Variants in KIFC3 observed in about 807,000 individuals in gnomAD.
KIFC3 encodes kinesin family member C3, also known as kinesin-like protein KIFC3.
A neutral mutation model predicts 101.8 loss-of-function variants in KIFC3; 60 were observed. The ratio of observed to expected loss-of-function variants is 0.59; its 90% CI spans 0.48 to 0.73. The LOEUF (loss-of-function observed/expected upper bound fraction) is 0.73, where lower values mean the gene tolerates loss of function less well. Ranked by LOEUF, KIFC3 falls within the 30% of genes least tolerant of loss-of-function variation. The pLI is 0.00. For synonymous variants in KIFC3, 476 were observed against 482.7 expected (o/e 0.99, Z 0.18); for missense variants, 966 against 1,137.1 (o/e 0.85, Z 2.16).
chr16:57,853,418 CAAAATAAAAT>C (rs71385127), intron 1 of KIFC3, among the ~76,000 whole-genome samples: 15 of 146,104 alleles, frequency 1.0e-4, no homozygotes, highest in Admixed American at 6.2e-4. Context: ...GACTCCATCT[CAAAATAAAAT>C]AAAATAAAAT....
intron 1 of KIFC3, among the ~76,000 whole-genome samples, chr16:57,815,110 G>A (rs1441834056): frequency 1.3e-5 from 2 of 152,190 alleles, no homozygotes; most frequent in Non-Finnish European, 2.9e-5. Context: ...CATCTTTGGA[G>A]GCTGATGCTG....
At chr16:57,765,866 C>T in intron 10 of KIFC3, 1 of 471,716 alleles carries the variant, frequency 2.1e-6, no homozygotes, top group Non-Finnish European at 3.7e-6. Flanking sequence ...TGGGGTGGAG[C>T]TCTGCCTTGG....
chr16:57,816,806 G>A (rs561292395), intron 1 of KIFC3: 3 of 451,680 alleles, frequency 6.6e-6, no homozygotes, highest in African/African-American at 6.4e-5. Flanking sequence ...ACCAAGACCA[G>A]GGAACCCATC....
At position 57,761,525 on chromosome 16, in the gene KIFC3, C is replaced by G; in HGVS notation, c.1760G>C (p.Gly587Ala). 6.2e-7 allele frequency: 1 copy of G among 1,613,376 alleles called. No individual in the cohort carries two copies. The highest frequency in any genetic ancestry group is 1.1e-5 in the South Asian group (1 of 91,074). The change falls in exon 14 of 20, where the codon GGG (glycine) becomes GCG (alanine). Residue 587 changes from glycine (G) to alanine (A), a missense_variant. Physicochemically the swap from Gly to Ala is moderately conservative, Grantham distance 60. Transcript: ENST00000445690. ...CTCCAGTTTTTCCTGAGGCTCTTTCCCTAGCAGGTCCCTGGAGGGGCAGGT... is the reference window on the plus strand; with the variant it reads ...CTCCAGTTTTTCCTGAGGCTCTTTCGCTAGCAGGTCCCTGGAGGGGCAGGT... The part of the protein sequence containing the change: ...IYNEVLRDLL[G>A]KEPQEKLEIR...
At chr16:57,823,683 C>A (rs991152032) in intron 1 of KIFC3, among the ~76,000 whole-genome samples, 14 of 152,072 alleles carry the variant, frequency 9.2e-5, no homozygotes, top group African/African-American at 1.4e-4. Context: ...ACCTCCACCC[C>A]CCAGGTTCCA....
At position 57,771,192 on chromosome 16, in the gene KIFC3, G is replaced by T; in HGVS notation, c.765+6C>A. ...TGAGGCACAGATCAGGTGGGCCAGG[G>T]CTCACCTTGACAGGTGGGGACTGGG... is the stretch of plus-strand genomic sequence containing the variant. On this transcript the variant is annotated splice_donor_region_variant and intron_variant, in intron 6 of 19. Coordinates refer to ENST00000445690, the MANE Select transcript of KIFC3 (RefSeq NM_001130100.2). 1.2e-6 allele frequency: 2 copies of T among 1,611,820 alleles called. No homozygotes were observed. Among genetic ancestry groups the T allele is most frequent in the East Asian group, 4.5e-5 (2 of 44,876 alleles).
chr16:57,771,234 GGTCTCGTGGCT>G lies in KIFC3; in HGVS notation c.718_728del (p.Ser240HisfsTer101). The G allele has an allele frequency of 6.2e-7, 1 of 1,613,180 alleles. No individual in the cohort carries two copies. The highest frequency in any genetic ancestry group is 8.5e-7 in the Non-Finnish European group (1 of 1,180,020). ...GGGACTGGGCCCGCAGGCTGGCAATGGTCTCGTGGCTGTCACGCAGGCGCCGACTAAGCCGC... is the reference window on the plus strand; with the variant it reads ...GGGACTGGGCCCGCAGGCTGGCAATGGTCACGCAGGCGCCGACTAAGCCGC... On this transcript the variant is annotated frameshift_variant, in exon 6 of 20. Transcript: ENST00000445690. LOFTEE classifies it high-confidence loss of function.
At chr16:57,853,681 G>C (rs1477492646) in intron 1 of KIFC3, among the ~76,000 whole-genome samples, 2 of 151,686 alleles carry the variant, frequency 1.3e-5, no homozygotes, top group African/African-American at 4.8e-5. Context: ...ACCCTGGTTG[G>C]AGTGCAATGG....
In KIFC3 at chr16:57,812,104, C is replaced by T. The variant is rs368302625; in HGVS notation, c.109-13822G>A. On this transcript the variant is annotated intron_variant, in intron 1 of 2. Transcript: ENST00000563028. ...TCACCCAGGCTGGAGTGCAGTGGCG[C>T]GATCTCGGCTCACTGGAGGCTCCAT... is the stretch of plus-strand genomic sequence containing the variant. 4.0e-5 allele frequency among the ~76,000 whole-genome samples: 6 copies of T among 149,342 alleles called. No individual in the cohort carries two copies. In the South Asian group the frequency reaches 1.1e-3, roughly 27 times the overall value.
chr16:57,801,376 G>T (rs2054714304), intron 1 of KIFC3, among the ~76,000 whole-genome samples: 2 of 152,202 alleles, frequency 1.3e-5, no homozygotes, highest in Admixed American at 1.3e-4. Flanking sequence ...GCTTTCCAGG[G>T]CAACCTAGAT....
At chr16:57,854,544 C>T (rs947165511) in intron 1 of KIFC3, among the ~76,000 whole-genome samples, 1 of 151,500 alleles carries the variant, frequency 6.6e-6, no homozygotes, top group South Asian at 2.1e-4. Flanking sequence ...AGGAGAATTG[C>T]TTGAACCTGG....
At chr16:57,782,030 A>AC (rs551867505) in intron 3 of KIFC3, 1 of 985,278 alleles carries the variant, frequency 1.0e-6, no homozygotes, top group Non-Finnish European at 1.2e-6. Context: ...GGCAGAGTGT[A>AC]CCCCCTGGCG....
At chr16:57,760,543 C>G (rs1315735592) in intron 16 of KIFC3, 127 bp from the exon 17 acceptor site, 1 of 1,197,368 alleles carries the variant, frequency 8.4e-7, no homozygotes, top group East Asian at 2.4e-5. Context: ...GGTGGGAGGG[C>G]AGGCAACATG....
intron 3 of KIFC3, among the ~76,000 whole-genome samples, chr16:57,781,387 A>AT (rs1555614570): frequency 6.6e-6 from 1 of 152,234 alleles, no homozygotes; most frequent in African/African-American, 2.4e-5. Flanking sequence ...CCTTGAGGCC[A>AT]TGGCTCTAGG....
intron 3 of KIFC3, chr16:57,785,784 G>A: frequency 2.1e-6 from 1 of 482,926 alleles, no homozygotes; most frequent in Non-Finnish European, 3.1e-6. Context: ...AGAGGGGGTG[G>A]GCAACCAGGT....
intron 1 of KIFC3, among the ~76,000 whole-genome samples, chr16:57,838,411 G>A (rs1488188395): frequency 6.6e-6 from 1 of 152,102 alleles, no homozygotes; most frequent in South Asian, 2.1e-4. Context: ...AACATATCCC[G>A]GGAGTTCCAG....
chr16:57,833,580 C>T (rs1029137839), intron 1 of KIFC3, among the ~76,000 whole-genome samples: 2 of 152,146 alleles, frequency 1.3e-5, no homozygotes, highest in Admixed American at 1.3e-4. Flanking sequence ...GGAAGCAGCC[C>T]CCACAGACTC....
At chr16:57,810,175 A>G (rs1452732108) in intron 1 of KIFC3, among the ~76,000 whole-genome samples, 5 of 152,112 alleles carry the variant, frequency 3.3e-5, no homozygotes, top group African/African-American at 1.2e-4. Flanking sequence ...GCAGTAAGTC[A>G]ATCAGCTACT....
rs1299677447 is a variant in KIFC3 at position 57,795,897 on chromosome 16, T to G, written c.173-756A>C. Among the ~76,000 whole-genome samples, 27 of 144,118 alleles carry G rather than the reference T, an allele frequency of 1.9e-4. 1 individual carries two copies. Among genetic ancestry groups the G allele is most frequent in the Admixed American group, 2.8e-4 (4 of 14,382 alleles). The allele number at this position is 144,118 out of a possible 152,430, so 94.5% of individuals were successfully genotyped here. A position where few individuals can be genotyped will look rare whatever the true frequency, so the allele number is the denominator to read the frequency against. On this transcript the variant is annotated intron_variant, in intron 2 of 19. Coordinates refer to ENST00000445690, the MANE Select transcript of KIFC3 (RefSeq NM_001130100.2). Reference sequence around the variant, plus strand: ...TTGGGCTTTTTTGTTTTTTTTTTTTTTTTTTTTTTTTTTTGAGACAGGGCC... The same window carrying G: ...TTGGGCTTTTTTGTTTTTTTTTTTTGTTTTTTTTTTTTTTGAGACAGGGCC...
Sources: allele counts gnomAD v4.1 joint callset (sites outside exome capture counted in the v4.1 genomes callset), GRCh38; gene constraint gnomAD v4.1.1; transcripts MANE v1.5; gene names NCBI Gene and HGNC (gene_info 2026-07-23, HGNC 2026-07-21).